Variants in FGD5 observed in about 807,000 individuals in gnomAD.
FGD5 encodes FYVE, RhoGEF and PH domain-containing protein 5.
Under a neutral mutation model 133.4 loss-of-function variants are expected in FGD5, and 28 were observed. The observed-to-expected ratio is 0.21, with a 90% CI of 0.16 to 0.29. FGD5 has a LOEUF of 0.29. Ranked by LOEUF, FGD5 falls within the 10% of genes least tolerant of loss-of-function variation. The pLI, the probability that FGD5 is intolerant of heterozygous loss-of-function variation, is 1.00. For synonymous variants in FGD5, 810 were observed against 776.5 expected, an observed-to-expected ratio of 1.04 and a Z score of -0.72; for missense variants, 1,858 against 1,895.2, an observed-to-expected ratio of 0.98 and a Z score of 0.36.
chr3:14,894,542 G>T (rs1257505083), intron 4 of FGD5, among the ~76,000 whole-genome samples: 2 of 145,142 alleles, frequency 1.4e-5, no homozygotes, highest in East Asian at 2.0e-4. Flanking sequence ...TTGAGACAGG[G>T]TCTCATTCTG....
At chr3:14,889,978 C>G (rs2037995123) in intron 4 of FGD5, among the ~76,000 whole-genome samples, 1 of 152,086 alleles carries the variant, frequency 6.6e-6, no homozygotes. Context: ...TCTGTGACTT[C>G]CTTACCCAGT....
chr3:14,920,812 C>G lies in FGD5; in HGVS notation c.3570-1106C>G, dbSNP rs893284017. Among the ~76,000 whole-genome samples, 20 of 152,282 alleles carry G rather than the reference C, an allele frequency of 1.3e-4. 2 individuals carry two copies. In the South Asian group the frequency reaches 2.1e-3, roughly 16 times the overall value. On this transcript the variant is annotated intron_variant, in intron 13 of 19. Coordinates refer to ENST00000285046, the MANE Select transcript of FGD5 (RefSeq NM_152536.4). ...AGGTGAGGTGGAACTGGAGTTTGAA[C>G]CCAGGACTGTGTGGACCAGAGCTCT...
At chr3:14,885,233 C>T (rs1575231689) in intron 4 of FGD5, among the ~76,000 whole-genome samples, 1 of 151,602 alleles carries the variant, frequency 6.6e-6, no homozygotes, top group African/African-American at 2.4e-5. Context: ...CACCTTGCCT[C>T]TAGTGGACAA....
chr3:14,889,883 C>T, intron 4 of FGD5, among the ~76,000 whole-genome samples: 1 of 152,136 alleles, frequency 6.6e-6, no homozygotes, highest in East Asian at 1.9e-4. Flanking sequence ...ATTGAGGTAT[C>T]TTTTTTGTAT....
At chr3:14,855,111 A>G (rs1320900700) in intron 1 of FGD5, among the ~76,000 whole-genome samples, 1 of 152,174 alleles carries the variant, frequency 6.6e-6, no homozygotes, top group Non-Finnish European at 1.5e-5. Context: ...GAGAACATGC[A>G]GTGTTTAACT....
chr3:14,908,430 C>T (rs1176834437), intron 10 of FGD5, among the ~76,000 whole-genome samples: 2 of 152,066 alleles, frequency 1.3e-5, no homozygotes, highest in Non-Finnish European at 2.9e-5. Flanking sequence ...TGGGTACAAA[C>T]CAAGGAGGGA....
intron 1 of FGD5, among the ~76,000 whole-genome samples, chr3:14,834,419 G>A (rs947513478): frequency 6.6e-6 from 1 of 152,192 alleles, no homozygotes; most frequent in Non-Finnish European, 1.5e-5. Flanking sequence ...GTTAATGCTT[G>A]CAAAGAATTT....
At chr3:14,926,876 A>C (rs1379698899) in intron 18 of FGD5, among the ~76,000 whole-genome samples, 1 of 152,034 alleles carries the variant, frequency 6.6e-6, no homozygotes, top group Admixed American at 6.6e-5. Flanking sequence ...TGGGAGTTAA[A>C]TGTATTCTGA....
intron 16 of FGD5, 165 bp from the exon 17 acceptor site, chr3:14,923,843 T>TTG: frequency 1.1e-6 from 1 of 883,800 alleles, no homozygotes; most frequent in Non-Finnish European, 1.7e-6. Flanking sequence ...CCCATAGCCT[T>TTG]TGTCTGTTCC....
Position 14,823,642 on chromosome 3 carries a change from GT to G in FGD5, c.2525+2047del, listed in dbSNP as rs1283925312. On this transcript the variant is annotated intron_variant, in intron 1 of 19. Coordinates refer to ENST00000285046, the MANE Select transcript of FGD5 (RefSeq NM_152536.4). ...TCTCAGTAAGTTACTGGAGAAATCA[GT>G]GTCCAAACCCAGACTTCTTGACTTC... Among the ~76,000 whole-genome samples, 9 of 152,368 alleles carry G rather than the reference GT, an allele frequency of 5.9e-5. No homozygotes were observed. In the East Asian group the frequency reaches 1.7e-3, roughly 29 times the overall value.
chr3:14,932,416 T>G (rs1269076443), intron 18 of FGD5, 161 bp from the exon 19 acceptor site: 15 of 711,714 alleles, frequency 2.1e-5, no homozygotes, highest in Admixed American at 6.6e-5. Context: ...GGGCTGGCTC[T>G]GGGGGGAAGC....
At chr3:14,900,258 A>T in intron 7 of FGD5, 145 bp from the exon 8 acceptor site, 2 of 753,930 alleles carry the variant, frequency 2.7e-6, no homozygotes, top group Non-Finnish European at 4.6e-6. Flanking sequence ...TTTCATGCTA[A>T]TGTGGTATTG....
At position 14,821,146 on chromosome 3, in the gene FGD5, T is replaced by A; in HGVS notation, c.2075T>A (p.Ile692Asn). 1 of 1,613,974 alleles carries A rather than the reference T, an allele frequency of 6.2e-7. No homozygotes were observed. The highest frequency in any genetic ancestry group is 8.5e-7 in the Non-Finnish European group (1 of 1,179,888). Reference protein sequence around the residue: ...SESSYHGPSRILEVDRRSLSN... With the variant: ...SESSYHGPSRNLEVDRRSLSN... ...TCCAGCTACCACGGGCCTTCCAGGATTCTGGAAGTTGACCGGAGAAGCCTC... is the reference window on the plus strand; with the variant it reads ...TCCAGCTACCACGGGCCTTCCAGGAATCTGGAAGTTGACCGGAGAAGCCTC... The change falls in exon 1 of 20, where the codon ATT becomes AAT. Residue 692 changes from isoleucine to asparagine, a missense_variant. Physicochemically the swap from Ile to Asn is moderately radical, Grantham distance 149 (BLOSUM62 -3). Around this residue, in one of 3 missense-constraint regions of FGD5, gnomAD observed 1,824 missense variants for 1,848.9 expected, o/e 0.99. Coordinates refer to ENST00000285046, the MANE Select transcript of FGD5 (RefSeq NM_152536.4).
rs1268792339 is a variant in FGD5, at chr3:14,819,631, A to G, written c.560A>G (p.Glu187Gly). The change falls in exon 1 of 20, where the codon GAG (glutamate) becomes GGG (glycine). Residue 187 changes from glutamate to glycine, a missense_variant. Physicochemically the swap from Glu to Gly is moderately conservative, Grantham distance 98 (BLOSUM62 -2). Transcript: ENST00000285046. This position sits in a 1 kb window ranked among gnomAD's most constrained non-coding sequence, Gnocchi z 4.1. ...GAGGACAGTGGGCCTTGGGCTGGAG[A>G]GGGGGTCTTCCAGAGCGACCTCCTC... ...SLEDSGPWAG[E>G]GVFQSDLLLP... 3 of 1,550,812 alleles carry G rather than the reference A, an allele frequency of 1.9e-6. No individual in the cohort carries two copies. The Admixed American group carries it at 5.9e-5, about 30-fold the overall frequency.
At position 14,819,333 on chromosome 3, in the gene FGD5, G is replaced by T. The variant is rs77444746; in HGVS notation, c.262G>T (p.Ala88Ser). The T allele has an allele frequency of 1.7e-4, 270 of 1,544,042 alleles. No homozygotes were observed. The African/African-American group carries it at 3.6e-3, about 21-fold the overall frequency. The change falls in exon 1 of 20, where the codon GCC (alanine) becomes TCC (serine). Residue 88 changes from alanine (A) to serine (S), a missense_variant. Ala to Ser is a moderately conservative substitution (Grantham distance 99, BLOSUM62 1). Coordinates refer to ENST00000285046, the MANE Select transcript of FGD5 (RefSeq NM_152536.4). The surrounding 1 kb of genome is among the most constrained non-coding windows in gnomAD (Gnocchi z 4.1). Reference protein sequence around the residue: ...PKDEGSVGNKALVSPESSAEE... With the variant: ...PKDEGSVGNKSLVSPESSAEE... ...GGACGAGGGCAGTGTGGGGAACAAA[G>T]CCCTGGTGTCTCCCGAGTCCTCTGC...
rs191075479 is a variant in FGD5 at position 14,855,452 on chromosome 3, C to T, written c.2526-8676C>T. Among the ~76,000 whole-genome samples, 639 of 152,282 alleles carry T rather than the reference C, an allele frequency of 4.2e-3. 2 individuals are homozygous for T. The highest frequency in any genetic ancestry group is 0.014 in the African/African-American group (597 of 41,564). On this transcript the variant is annotated intron_variant, in intron 1 of 19. Transcript: ENST00000285046. ...CTCCATATTGTTCTCCATAGTGGCT[C>T]TACTGATTTACATTCCCATCAGCAG...
intron 1 of FGD5, among the ~76,000 whole-genome samples, chr3:14,844,220 ATATATATAT>A (rs1559477417): frequency 0.037 from 597 of 16,310 alleles, 76 homozygotes; most frequent in Non-Finnish European, 0.053. Flanking sequence ...AAAAAAAAAT[ATATATATAT>A]ATATATATAT....
intron 3 of FGD5, 21 bp downstream of exon 3, chr3:14,880,651 C>T (rs1175155026): frequency 6.2e-7 from 1 of 1,614,048 alleles, no homozygotes; most frequent in African/African-American, 1.3e-5. Context: ...AAGGAGCTGC[C>T]TGTGGCCTTG....
chr3:14,833,478 G>T (rs1027788097), intron 1 of FGD5, among the ~76,000 whole-genome samples: 29 of 152,118 alleles, frequency 1.9e-4, no homozygotes, highest in African/African-American at 6.8e-4. Flanking sequence ...AGACTTTCTC[G>T]CACTGAGAGA....
Sources: gnomAD v4.1 joint callset for allele counts (sites outside exome capture counted in the v4.1 genomes callset) on GRCh38, gnomAD v4.1.1 for gene constraint, gnomAD v4.1.1 regional missense constraint, Gnocchi (gnomAD v3.1) non-coding constraint, MANE v1.5 for transcripts, NCBI Gene and HGNC (gene_info 2026-07-23, HGNC 2026-07-21) for gene names.